The following FNDC3B variants were observed in gnomAD, a reference collection of about 807,000 sequenced individuals.
FNDC3B encodes the protein fibronectin type III domain containing 3B.
FNDC3B carries 12 observed loss-of-function variants against 151.5 expected under a neutral mutation model. The observed-to-expected ratio is 0.08, with a 90% confidence interval of 0.05 to 0.13. The LOEUF is 0.13. Among genes scored for constraint, FNDC3B ranks in the 10% least tolerant of loss-of-function variants. FNDC3B has a pLI of 1.00. For missense variants in FNDC3B, 1,214 were observed against 1,505.3 expected, an observed-to-expected ratio of 0.81 and a Z score of 3.20; for synonymous variants, 528 against 549.0, an observed-to-expected ratio of 0.96 and a Z score of 0.54.
At chr3:172,368,271 TAAAAA>T (rs140694988) in intron 23 of FNDC3B, among the ~76,000 whole-genome samples, 128 of 140,152 alleles carry the variant, frequency 9.1e-4, no homozygotes, top group South Asian at 8.5e-3. Flanking sequence ...CCCAGACTCT[TAAAAA>T]AAAAAAAAAA....
chr3:172,371,502 A>G (rs142450897), intron 23 of FNDC3B, among the ~76,000 whole-genome samples: 1 of 152,254 alleles, frequency 6.6e-6, no homozygotes, highest in Non-Finnish European at 1.5e-5. Context: ...TCAAGAAGAT[A>G]TTACAGTCAA....
At chr3:172,090,083 A>G (rs1718737501) in intron 1 of FNDC3B, among the ~76,000 whole-genome samples, 1 of 152,218 alleles carries the variant, frequency 6.6e-6, no homozygotes, top group Non-Finnish European at 1.5e-5. Flanking sequence ...CCGAATTTCC[A>G]GATATTAATA....
chr3:172,076,632 C>G (rs901988006), intron 1 of FNDC3B, among the ~76,000 whole-genome samples: 2 of 151,792 alleles, frequency 1.3e-5, no homozygotes, highest in African/African-American at 4.8e-5. Flanking sequence ...TTTTTTTAAA[C>G]AGAGTGGAAA....
At chr3:172,059,413 G>T (rs1717076293) in intron 1 of FNDC3B, among the ~76,000 whole-genome samples, 1 of 152,090 alleles carries the variant, frequency 6.6e-6, no homozygotes, top group South Asian at 2.1e-4. Flanking sequence ...TGGCATGGGG[G>T]AATTTGAAGC....
At chr3:172,060,222 A>G (rs181959222) in intron 1 of FNDC3B, among the ~76,000 whole-genome samples, 3 of 152,318 alleles carry the variant, frequency 2.0e-5, no homozygotes, top group Non-Finnish European at 2.9e-5. Context: ...ACTTTTGAAT[A>G]AATATAAGTA....
chr3:172,386,886 T>G (rs1735742831), intron 25 of FNDC3B, among the ~76,000 whole-genome samples: 2 of 152,070 alleles, frequency 1.3e-5, no homozygotes, highest in Non-Finnish European at 2.9e-5. Flanking sequence ...AAGGCATGCA[T>G]TGATTCTACA....
intron 3 of FNDC3B, among the ~76,000 whole-genome samples, chr3:172,152,369 T>C (rs948438244): frequency 1.3e-5 from 2 of 152,186 alleles, no homozygotes; most frequent in African/African-American, 4.8e-5. Context: ...TTCTAAGTAG[T>C]AGCGCAGTGC....
At chr3:172,087,632 A>AT (rs1718615637) in intron 1 of FNDC3B, among the ~76,000 whole-genome samples, 1 of 152,130 alleles carries the variant, frequency 6.6e-6, no homozygotes, top group African/African-American at 2.4e-5. Flanking sequence ...GATTAAAAAA[A>AT]ATTTTTTTTT....
chr3:172,227,097 T>C, intron 4 of FNDC3B, 150 bp downstream of exon 4: 1 of 588,742 alleles, frequency 1.7e-6, no homozygotes, highest in Non-Finnish European at 3.1e-6. Context: ...ACATGGCGTT[T>C]CTTGTGTCTT....
At chr3:172,381,934 T>A (rs1041077279) in intron 25 of FNDC3B, among the ~76,000 whole-genome samples, 1 of 152,228 alleles carries the variant, frequency 6.6e-6, no homozygotes, top group Admixed American at 6.5e-5. Context: ...TAAACATACA[T>A]GTGCATGTGT....
At chr3:172,167,500 TG>T (rs1344240753) in intron 3 of FNDC3B, among the ~76,000 whole-genome samples, 1 of 152,246 alleles carries the variant, frequency 6.6e-6, no homozygotes, top group African/African-American at 2.4e-5. Context: ...ATATACTGGT[TG>T]GTTTTACTTT....
At chr3:172,174,943 C>CCCA (rs1553769243) in intron 3 of FNDC3B, among the ~76,000 whole-genome samples, 1 of 59,934 alleles carries the variant, frequency 1.7e-5, no homozygotes, top group Non-Finnish European at 4.9e-5. Context: ...ACCCCCCCCC[C>CCCA]CCCAATACAA....
At chr3:172,224,965 G>A (rs1035743744) in intron 3 of FNDC3B, among the ~76,000 whole-genome samples, 6 of 152,292 alleles carry the variant, frequency 3.9e-5, no homozygotes, top group Non-Finnish European at 2.9e-5. Context: ...TTATTTAATC[G>A]TTAGATCTTT....
intron 3 of FNDC3B, among the ~76,000 whole-genome samples, chr3:172,202,999 G>A (rs551240485): frequency 6.6e-6 from 1 of 152,256 alleles, no homozygotes; most frequent in Admixed American, 6.5e-5. Context: ...CTTGTGAGCT[G>A]TACCAAAGCC....
chr3:172,333,808 C>T (rs1732811975), intron 14 of FNDC3B, among the ~76,000 whole-genome samples: 1 of 152,146 alleles, frequency 6.6e-6, no homozygotes. Context: ...TCCTTTCGAG[C>T]AGTCTCTTTG....
Position 172,123,534 on chromosome 3 carries a change from G to T in FNDC3B, c.112-9937G>T, listed in dbSNP as rs551124595. 2.6e-5 allele frequency among the ~76,000 whole-genome samples: 4 copies of T among 152,264 alleles called. No individual in the cohort carries two copies. The South Asian group carries it at 8.3e-4, about 32-fold the overall frequency. ...AGAAGTTTCTTTGGTCTTTATATTGGAGTGTTGAGTTGTCATTCTAGTTCA... is the reference window on the plus strand; with the variant it reads ...AGAAGTTTCTTTGGTCTTTATATTGTAGTGTTGAGTTGTCATTCTAGTTCA... On this transcript the variant is annotated intron_variant, in intron 2 of 25. Transcript: ENST00000415807.
In FNDC3B at chr3:172,150,615, T is replaced by A. The variant is rs527786012; in HGVS notation, c.187+17069T>A. On this transcript the variant is annotated intron_variant, in intron 3 of 25. Coordinates refer to ENST00000415807, the MANE Select transcript of FNDC3B (RefSeq NM_022763.4). ...TTTTAAATGCATCATTCTTTTTTTT[T>A]AAATGTCTCTACAAAAGAGATAACA... Among the ~76,000 whole-genome samples, 4 of 152,224 alleles carry A rather than the reference T, an allele frequency of 2.6e-5. No homozygotes were observed. The South Asian group carries it at 6.2e-4, about 24-fold the overall frequency.
At position 172,295,520 on chromosome 3, in the gene FNDC3B, G is replaced by T. The variant is rs367903462; in HGVS notation, c.1001+6G>T. 5 of 1,610,996 alleles carry T rather than the reference G, an allele frequency of 3.1e-6. No individual in the cohort carries two copies. Among genetic ancestry groups the T allele is most frequent in the African/African-American group, 2.7e-5 (2 of 74,794 alleles). The stretch of plus-strand genomic sequence containing the variant: ...AAATACAAGATAATTTACAGGTTGT[G>T]TATGTTTCTATTGTTTTTCTTTGCT... On this transcript the variant is annotated splice_donor_region_variant and intron_variant, in intron 8 of 25. Coordinates refer to ENST00000415807, the MANE Select transcript of FNDC3B (RefSeq NM_022763.4).
intron 3 of FNDC3B, among the ~76,000 whole-genome samples, chr3:172,210,861 T>C (rs564509389): frequency 3.3e-5 from 5 of 152,342 alleles, no homozygotes; most frequent in African/African-American, 1.2e-4. Context: ...ATGTGTTACT[T>C]GGATGTGTTA....
Sources: gnomAD v4.1 joint callset for allele counts (sites outside exome capture counted in the v4.1 genomes callset) on GRCh38, gnomAD v4.1.1 for gene constraint, MANE v1.5 for transcripts, NCBI Gene and HGNC (gene_info 2026-07-23, HGNC 2026-07-21) for gene names.